GNAS: variants seen among roughly 807,000 people sequenced by gnomAD.
GNAS encodes the protein protein ALEX.
GNAS carries 8 observed loss-of-function variants against 54.5 expected under a neutral mutation model. The observed-to-expected ratio is 0.15, with a 90% CI of 0.09 to 0.26. The LOEUF is 0.26. Ranked by LOEUF, GNAS falls within the 10% of genes least tolerant of loss-of-function variation. The pLI is 1.00. For synonymous variants in GNAS, 204 were observed against 191.4 expected (o/e 1.07, Z -0.54); for missense variants, 170 against 529.8 (o/e 0.32, Z 6.67).
At chr20:58,901,446 C>T (rs2090591297) in intron 3 of GNAS, among the ~76,000 whole-genome samples, 1 of 152,144 alleles carries the variant, frequency 6.6e-6, no homozygotes, top group Admixed American at 6.5e-5. Flanking sequence ...CAGATTTGTA[C>T]ACAAGGCCTG....
At chr20:58,888,489 G>A (rs2088763153), upstream of GNAS, 1 of 152,188 alleles carries the variant, frequency 6.6e-6, no homozygotes, top group Non-Finnish European at 1.5e-5. Flanking sequence ...ACACTTGAGA[G>A]TTTTGAAAGA....
At chr20:58,889,160 G>A, upstream of GNAS, 1 of 1,214,144 alleles carries the variant, frequency 8.2e-7, no homozygotes. Flanking sequence ...TAGAAGCTCT[G>A]CTCCCCGGCG....
intron 2 of GNAS, chr20:58,897,481 G>A (rs987553062): frequency 6.6e-6 from 1 of 152,214 alleles, no homozygotes; most frequent in African/African-American, 2.4e-5. Context: ...CAAAGATGCA[G>A]CAGCCACTGT....
At chr20:58,854,041 CGGCCTCGAGTGCGG>C (rs1568925232) in intron 1 of GNAS, 4 of 1,611,004 alleles carry the variant, frequency 2.5e-6, no homozygotes, top group Non-Finnish European at 3.4e-6. Context: ...GCGGCAGTCG[CGGCCTCGAGTGCGG>C]TCCGCCTCAC....
chr20:58,875,240 C>T (rs752056314), intron 1 of GNAS, among the ~76,000 whole-genome samples: 3 of 152,076 alleles, frequency 2.0e-5, no homozygotes, highest in Non-Finnish European at 4.4e-5. Flanking sequence ...TCTGGGTGAT[C>T]GTGGATGAGC....
At chr20:58,840,037 C>T (rs1253316963), upstream of GNAS, 80 of 1,555,278 alleles carry the variant, frequency 5.1e-5, no homozygotes, top group Admixed American at 7.4e-4. The surrounding 1 kb of genome is among the most constrained non-coding windows in gnomAD (Gnocchi z 6.0). Flanking sequence ...GCTCCAGCAG[C>T]CAATGTGCTT....
intron 1 of GNAS, chr20:58,855,795 T>C: frequency 3.3e-6 from 2 of 607,106 alleles, no homozygotes; most frequent in Non-Finnish European, 5.9e-6. Context: ...GTCGTTGGTG[T>C]GTGTTGGTGT....
intron 1 of GNAS, among the ~76,000 whole-genome samples, chr20:58,870,154 T>C (rs1313384898): frequency 6.6e-6 from 1 of 152,240 alleles, no homozygotes; most frequent in East Asian, 1.9e-4. Context: ...CCCCTCTCTC[T>C]TAAGATTGTA....
chr20:58,853,449 G>A lies in GNAS; in HGVS notation c.43+12563G>A, dbSNP rs757144099. On this transcript the variant is annotated intron_variant, in intron 1 of 12. Coordinates refer to the GNAS transcript ENST00000306090. The surrounding 1 kb of genome is among the most constrained non-coding windows in gnomAD (Gnocchi z 4.4). ...GCCTCACAACGAGCCCATCCCCGTCGAGAATGATGGCGAGGCCTGTGGACC... is the reference window on the plus strand; with the variant it reads ...GCCTCACAACGAGCCCATCCCCGTCAAGAATGATGGCGAGGCCTGTGGACC... 2.7e-5 allele frequency: 44 copies of A among 1,610,994 alleles called. No homozygotes were observed. The highest frequency in any genetic ancestry group is 5.3e-5 in the African/African-American group (4 of 74,812).
chr20:58,841,322 G>T lies in GNAS; in HGVS notation c.43+436G>T, dbSNP rs1396282567. On this transcript the variant is annotated intron_variant, in intron 1 of 12. Transcript: ENST00000306090. This position sits in a 1 kb window ranked among gnomAD's most constrained non-coding sequence, Gnocchi z 5.0. ...CAAAATGTGGTTCGGAGGTGCGCGC[G>T]CCAACTTTCACGATGTGAGAGCAGC... 3.8e-6 allele frequency: 4 copies of T among 1,059,378 alleles called. No homozygotes were observed. The highest frequency in any genetic ancestry group is 4.6e-6 in the Non-Finnish European group (4 of 875,740). The allele number at this position is 1,059,378 out of a possible 1,614,324, so 65.6% of individuals were successfully genotyped here. A position where few individuals can be genotyped will look rare whatever the true frequency, so the allele number is the denominator to read the frequency against.
chr20:58,851,880 C>T (rs73129560), intron 1 of GNAS, among the ~76,000 whole-genome samples: 17,971 of 152,214 alleles, frequency 0.12, 1,072 homozygotes, highest in South Asian at 0.16. Flanking sequence ...GCGCTGCGGC[C>T]GGTGCCCGAA....
intron 1 of GNAS, chr20:58,842,688 A>C (rs770734958): frequency 2.5e-6 from 1 of 395,886 alleles, no homozygotes; most frequent in Non-Finnish European, 4.4e-6. Flanking sequence ...CTTAATGTAA[A>C]CAATGATGGT....
rs2091361796 is a variant in GNAS at position 58,910,435 on chromosome 20, T to G, written c.1038+34T>G. Reference sequence around the variant, plus strand: ...AGCCTGTCTTTAGTTTCCTCTCTTGTTCCTCCTCTTTTTCTCATGGATGTA... The same window carrying G: ...AGCCTGTCTTTAGTTTCCTCTCTTGGTCCTCCTCTTTTTCTCATGGATGTA... On this transcript the variant is annotated intron_variant, in intron 12 of 12. Transcript: ENST00000371085. The surrounding 1 kb of genome is among the most constrained non-coding windows in gnomAD (Gnocchi z 5.8). 6.8e-7 allele frequency: 1 copy of G among 1,477,210 alleles called. No homozygotes were observed. Among genetic ancestry groups the G allele is most frequent in the Non-Finnish European group, 9.5e-7 (1 of 1,055,250 alleles). 91.5% of individuals were successfully genotyped at this position (1,477,210 alleles called of 1,614,324 possible).
rs1707160574 is a variant in GNAS at position 58,856,014 on chromosome 20, C to G, written c.43+15128C>G. 1.8e-5 allele frequency: 4 copies of G among 217,120 alleles called. 1 individual carries two copies. The South Asian group carries it at 4.2e-4, about 23-fold the overall frequency. The allele number at this position is 217,120 out of a possible 1,614,324, so 13.4% of individuals were successfully genotyped here. A position where few individuals can be genotyped will look rare whatever the true frequency, so the allele number is the denominator to read the frequency against. The stretch of plus-strand genomic sequence containing the variant: ...TCTGCGGCAAGCGGTGCGGAGGACA[C>G]GCGGGGAAGGTGGCGGGGCCTCCCG... On this transcript the variant is annotated intron_variant, in intron 1 of 12. Coordinates refer to the GNAS transcript ENST00000306090. The surrounding 1 kb of genome is among the most constrained non-coding windows in gnomAD (Gnocchi z 4.2).
intron 1 of GNAS, chr20:58,852,918 C>T (rs967060981): frequency 1.1e-5 from 8 of 751,888 alleles, no homozygotes; most frequent in Non-Finnish European, 1.4e-5. Context: ...CGAATCGGCA[C>T]GCTCGTCAGA....
At chr20:58,906,313 A>G (rs954088247) in intron 6 of GNAS, among the ~76,000 whole-genome samples, 7 of 151,878 alleles carry the variant, frequency 4.6e-5, no homozygotes, top group African/African-American at 1.7e-4. Context: ...TTATTGCACA[A>G]CTCTACCTGA....
At chr20:58,907,947 T>C (rs945010229) in intron 6 of GNAS, among the ~76,000 whole-genome samples, 4 of 152,264 alleles carry the variant, frequency 2.6e-5, no homozygotes, top group African/African-American at 9.6e-5. Context: ...CAAGATTTGG[T>C]GCTGATGATC....
chr20:58,892,420 C>G (rs1211101881), intron 1 of GNAS: 1 of 141,884 alleles, frequency 7.0e-6, no homozygotes, highest in South Asian at 2.3e-4. Flanking sequence ...CGGAGGGGGC[C>G]TCGCCAAAGG....
rs1333913548 is a variant in GNAS, at chr20:58,910,603, C to T, written c.1039-80C>T. 3.3e-6 allele frequency: 5 copies of T among 1,537,538 alleles called. No individual in the cohort carries two copies. The African/African-American group carries it at 5.5e-5, about 17-fold the overall frequency. On this transcript the variant is annotated intron_variant, in intron 12 of 12. Coordinates refer to ENST00000371085, the MANE Select transcript of GNAS (RefSeq NM_000516.7). The surrounding 1 kb of genome is among the most constrained non-coding windows in gnomAD (Gnocchi z 5.8). ...ACATCAGAGGCTGGCTGACAGCCGTCCCTGGTAGGTGTCCCCATCAGGGAT... is the reference window on the plus strand; with the variant it reads ...ACATCAGAGGCTGGCTGACAGCCGTTCCTGGTAGGTGTCCCCATCAGGGAT...
Sources: allele counts gnomAD v4.1 joint callset (sites outside exome capture counted in the v4.1 genomes callset), GRCh38; gene constraint gnomAD v4.1.1; non-coding constraint Gnocchi (gnomAD v3.1); transcripts MANE v1.5; gene names NCBI Gene and HGNC (gene_info 2026-07-23, HGNC 2026-07-21).